PDE1C: variants seen among roughly 807,000 people sequenced by gnomAD.
PDE1C encodes the protein dual specificity calcium/calmodulin-dependent 3',5'-cyclic nucleotide phosphodiesterase 1C.
In PDE1C, 62 loss-of-function variants were observed where a neutral mutation model predicts 93.1. The ratio of observed to expected loss-of-function variants is 0.67; its 90% confidence interval spans 0.54 to 0.82. The LOEUF is 0.82. PDE1C is among the 40% of genes least tolerant of loss of function. PDE1C has a pLI of 0.00. For synonymous variants in PDE1C, 325 were observed against 310.1 expected, an observed-to-expected ratio of 1.05 and a Z score of -0.50; for missense variants, 742 against 884.6, an observed-to-expected ratio of 0.84 and a Z score of 2.04.
intron 17 of PDE1C, among the ~76,000 whole-genome samples, chr7:31,773,655 C>T (rs1795645310): frequency 6.6e-6 from 1 of 152,086 alleles, no homozygotes; most frequent in Admixed American, 6.5e-5. Flanking sequence ...CAAATCCAAA[C>T]TTTAAGATGA....
the PDE1C span, among the ~76,000 whole-genome samples, chr7:31,718,734 G>A: frequency 6.6e-6 from 1 of 152,304 alleles, no homozygotes; most frequent in African/African-American, 2.4e-5. Flanking sequence ...GATCCAAAAG[G>A]TGGGAACTCA....
At chr7:31,873,499 T>C in intron 5 of PDE1C, 91 bp from the exon 6 acceptor site, 2 of 749,552 alleles carry the variant, frequency 2.7e-6, no homozygotes, top group East Asian at 5.0e-5. Context: ...CCTGCAGCCC[T>C]CACTGGAGAT....
At chr7:32,373,312 A>G (rs1784364236) in intron 1 of PDE1C, among the ~76,000 whole-genome samples, 1 of 152,266 alleles carries the variant, frequency 6.6e-6, no homozygotes, top group African/African-American at 2.4e-5. Context: ...GATACATGCT[A>G]CAATGTGGAC....
chr7:32,167,686 T>C (rs1184266808), intron 3 of PDE1C, among the ~76,000 whole-genome samples: 3 of 152,156 alleles, frequency 2.0e-5, no homozygotes, highest in Non-Finnish European at 4.4e-5. Flanking sequence ...ATTGGGCTTA[T>C]TGACATTGTC....
chr7:31,672,310 T>G, the PDE1C span, among the ~76,000 whole-genome samples: 2 of 152,212 alleles, frequency 1.3e-5, no homozygotes, highest in Non-Finnish European at 2.9e-5. Context: ...CTGTATTATA[T>G]TCTTATAAAT....
the PDE1C span, among the ~76,000 whole-genome samples, chr7:31,737,421 A>C: frequency 6.6e-6 from 1 of 152,222 alleles, no homozygotes; most frequent in Non-Finnish European, 1.5e-5. Flanking sequence ...GTAGCTTTTC[A>C]GTAGTTCAGA....
At chr7:31,971,006 G>A (rs1420545313) in intron 2 of PDE1C, among the ~76,000 whole-genome samples, 1 of 152,146 alleles carries the variant, frequency 6.6e-6, no homozygotes, top group Non-Finnish European at 1.5e-5. Flanking sequence ...GCCAGGTGTG[G>A]TAGCACATGC....
At chr7:31,695,504 C>T in the PDE1C span, 1 of 1,612,950 alleles carries the variant, frequency 6.2e-7, no homozygotes, top group Non-Finnish European at 8.5e-7. Flanking sequence ...GGACTGTGAT[C>T]TCAAAAAGAA....
At chr7:32,065,075 G>T (rs1445223081) in intron 1 of PDE1C, among the ~76,000 whole-genome samples, 1 of 148,462 alleles carries the variant, frequency 6.7e-6, no homozygotes, top group African/African-American at 2.5e-5. Flanking sequence ...AGGAGCCGGG[G>T]GCCAGTGAGG....
intron 2 of PDE1C, among the ~76,000 whole-genome samples, chr7:31,951,616 C>G (rs1297896156): frequency 6.6e-6 from 1 of 152,222 alleles, no homozygotes; most frequent in Non-Finnish European, 1.5e-5. Flanking sequence ...GGATTTCTCC[C>G]TCAGAGACAA....
chr7:31,691,761 TCTTTA>T, the PDE1C span, among the ~76,000 whole-genome samples: 3 of 146,732 alleles, frequency 2.0e-5, no homozygotes, highest in Non-Finnish European at 4.5e-5. Flanking sequence ...GGAGGTAGTC[TCTTTA>T]CTTTATACAA....
At chr7:31,818,641 TA>T (rs1296823627) in intron 14 of PDE1C, among the ~76,000 whole-genome samples, 1 of 152,180 alleles carries the variant, frequency 6.6e-6, no homozygotes, top group African/African-American at 2.4e-5. Context: ...TGACAAATGT[TA>T]GTTTCCTTAA....
intron 2 of PDE1C, among the ~76,000 whole-genome samples, chr7:32,177,156 C>T (rs1268084810): frequency 6.6e-6 from 1 of 152,188 alleles, no homozygotes; most frequent in Non-Finnish European, 1.5e-5. Flanking sequence ...TTGCTCAGCC[C>T]ATGCTGAACT....
At chr7:31,805,335 G>T (rs1227272694) in intron 16 of PDE1C, among the ~76,000 whole-genome samples, 1 of 151,750 alleles carries the variant, frequency 6.6e-6, no homozygotes, top group East Asian at 2.0e-4. Flanking sequence ...TTGATTTCTG[G>T]AATTTTCCAC....
chr7:32,031,244 C>T (rs1369074820), intron 2 of PDE1C, among the ~76,000 whole-genome samples: 2 of 152,022 alleles, frequency 1.3e-5, no homozygotes, highest in Non-Finnish European at 2.9e-5. Context: ...ATTTTATATC[C>T]AAAAGAGAGT....
chr7:32,414,015 T>C (rs989740774), intron 1 of PDE1C, among the ~76,000 whole-genome samples: 5 of 151,782 alleles, frequency 3.3e-5, no homozygotes, highest in African/African-American at 1.2e-4. Flanking sequence ...GAGTACAAGA[T>C]CAGCCACAGC....
chr7:31,640,564 C>T, the PDE1C span, among the ~76,000 whole-genome samples: 2 of 152,172 alleles, frequency 1.3e-5, no homozygotes, highest in African/African-American at 4.8e-5. Context: ...AGCTGGGTAA[C>T]TATAGGGTTC....
chr7:31,827,796 TA>T (rs1789881721), intron 12 of PDE1C, among the ~76,000 whole-genome samples: 1 of 152,006 alleles, frequency 6.6e-6, no homozygotes, highest in African/African-American at 2.4e-5. Flanking sequence ...ATTCTTACCT[TA>T]AAAAAGTGCT....
chr7:32,298,694 G>A, exon 1 of PDE1C: 2 of 1,607,252 alleles, frequency 1.2e-6, no homozygotes, highest in South Asian at 1.1e-5. Context: ...TGGCGCTCCG[G>A]CATTTTTTGA....
Sources: allele counts gnomAD v4.1 joint callset (sites outside exome capture counted in the v4.1 genomes callset), GRCh38; gene constraint gnomAD v4.1.1; transcripts MANE v1.5; gene names NCBI Gene and HGNC (gene_info 2026-07-23, HGNC 2026-07-21).